Variants in ABCC4 observed in about 807,000 individuals in gnomAD.
ABCC4 encodes the protein ATP-binding cassette sub-family C member 4.
In ABCC4, 102 loss-of-function variants were observed where a neutral mutation model predicts 168.5. That is an observed-to-expected ratio of 0.61 (90% CI 0.52 to 0.71). The LOEUF is 0.71. Among genes scored for constraint, ABCC4 ranks in the 30% least tolerant of loss-of-function variants. The probability of loss-of-function intolerance (pLI) is 0.00; values close to 1 mark genes in which losing one functional copy is unlikely to be tolerated. For missense variants in ABCC4, 1,402 were observed against 1,605.8 expected (o/e 0.87, Z 2.17); for synonymous variants, 617 against 590.7 (o/e 1.04, Z -0.65).
At chr13:95,126,721 AT>A (rs2035775555) in intron 19 of ABCC4, among the ~76,000 whole-genome samples, 1 of 13,778 alleles carries the variant, frequency 7.3e-5, no homozygotes, top group Non-Finnish European at 2.0e-4. Context: ...TTTTTTTGGA[AT>A]ATATATATAT....
At chr13:95,195,060 C>T (rs566800709) in intron 8 of ABCC4, 123 bp from the exon 9 acceptor site, 1 of 723,570 alleles carries the variant, frequency 1.4e-6, no homozygotes, top group South Asian at 1.8e-5. Flanking sequence ...ATTTTACCAA[C>T]CCTATTTAAA....
intron 30 of ABCC4, among the ~76,000 whole-genome samples, chr13:95,029,994 TCC>T (rs1491568260): frequency 5.3e-5 from 8 of 150,108 alleles, no homozygotes; most frequent in African/African-American, 7.4e-5. Context: ...TATCTATCCA[TCC>T]ATCCATCCAT....
At chr13:95,030,483 T>A (rs2031828487) in intron 30 of ABCC4, among the ~76,000 whole-genome samples, 1 of 152,194 alleles carries the variant, frequency 6.6e-6, no homozygotes, top group African/African-American at 2.4e-5. Flanking sequence ...TAAATTCCTA[T>A]GTTGAAGTCC....
intron 14 of ABCC4, 114 bp from the exon 15 acceptor site, chr13:95,166,481 C>A: frequency 1.1e-6 from 1 of 881,352 alleles, no homozygotes; most frequent in South Asian, 1.8e-5. Context: ...ATACTTAGGT[C>A]CGGAATCCTA....
intron 5 of ABCC4, 85 bp downstream of exon 5, chr13:95,210,605 CAG>C: frequency 1.9e-6 from 2 of 1,064,860 alleles, no homozygotes; most frequent in Non-Finnish European, 2.8e-6. Flanking sequence ...CCAGTGTGAA[CAG>C]AGTGAGCCCC....
intron 30 of ABCC4, among the ~76,000 whole-genome samples, chr13:95,025,178 C>G (rs1193204876): frequency 1.4e-5 from 2 of 144,082 alleles, no homozygotes; most frequent in Non-Finnish European, 3.0e-5. Flanking sequence ...CACACACACA[C>G]CCACACACAC....
At chr13:95,122,171 C>T (rs944331859) in intron 19 of ABCC4, among the ~76,000 whole-genome samples, 1 of 152,260 alleles carries the variant, frequency 6.6e-6, no homozygotes, top group Middle Eastern at 3.4e-3. Context: ...TTCTGATTCT[C>T]TTCTCGAACT....
At chr13:95,076,654 A>G (rs555256132) in intron 21 of ABCC4, among the ~76,000 whole-genome samples, 1 of 151,974 alleles carries the variant, frequency 6.6e-6, no homozygotes, top group African/African-American at 2.4e-5. Context: ...TAGTAGAGAC[A>G]TGGTTTTGCC....
chr13:95,227,171 A>G (rs2039489328), intron 4 of ABCC4, among the ~76,000 whole-genome samples: 1 of 152,198 alleles, frequency 6.6e-6, no homozygotes, highest in African/African-American at 2.4e-5. Context: ...TGACACTCCT[A>G]AATCTCCAGC....
At chr13:95,171,879 C>G (rs940187914) in intron 13 of ABCC4, among the ~76,000 whole-genome samples, 1 of 151,970 alleles carries the variant, frequency 6.6e-6, no homozygotes, top group Admixed American at 6.6e-5. Context: ...ATCTAGTATA[C>G]CTCTTCAGGT....
chr13:95,058,211 T>C (rs2033135252), intron 26 of ABCC4, among the ~76,000 whole-genome samples: 1 of 152,208 alleles, frequency 6.6e-6, no homozygotes, highest in Non-Finnish European at 1.5e-5. Context: ...ACTGTCCAAA[T>C]GACAGATAAA....
intron 28 of ABCC4, 39 bp from the exon 29 acceptor site, chr13:95,043,826 C>CA (rs779571779): frequency 4.8e-6 from 7 of 1,450,826 alleles, no homozygotes; most frequent in Non-Finnish European, 6.7e-6. Context: ...CGTAAAGATG[C>CA]AAAAAGTAGA....
chr13:95,077,828 C>T (rs1355150848), intron 21 of ABCC4, among the ~76,000 whole-genome samples: 1 of 152,176 alleles, frequency 6.6e-6, no homozygotes, highest in Admixed American at 6.5e-5. Context: ...CCACTGTACA[C>T]ACAGACACTG....
At chr13:95,262,085 A>G (rs936599800) in intron 1 of ABCC4, among the ~76,000 whole-genome samples, 3 of 152,244 alleles carry the variant, frequency 2.0e-5, no homozygotes, top group African/African-American at 7.2e-5. Flanking sequence ...TTGGGAGGCC[A>G]GCCTAGGGCA....
chr13:95,189,954 A>G (rs1419348055), intron 9 of ABCC4, among the ~76,000 whole-genome samples: 1 of 152,208 alleles, frequency 6.6e-6, no homozygotes, highest in Non-Finnish European at 1.5e-5. Flanking sequence ...AACAATCTAT[A>G]AATTCTATGA....
chr13:95,241,082 T>G (rs959800767), intron 3 of ABCC4, among the ~76,000 whole-genome samples: 1 of 151,842 alleles, frequency 6.6e-6, no homozygotes, highest in Non-Finnish European at 1.5e-5. Flanking sequence ...ACCACCTCAT[T>G]GGCCAGGCAC....
chr13:95,128,877 C>A (rs1393912826), intron 19 of ABCC4, among the ~76,000 whole-genome samples: 1 of 152,162 alleles, frequency 6.6e-6, no homozygotes, highest in African/African-American at 2.4e-5. Context: ...TTCCCAAAGA[C>A]TTTTAATCAT....
At chr13:95,084,530 A>G (rs2034195286) in intron 20 of ABCC4, among the ~76,000 whole-genome samples, 1 of 152,192 alleles carries the variant, frequency 6.6e-6, no homozygotes, top group Non-Finnish European at 1.5e-5. Flanking sequence ...TTATTACAAT[A>G]TATTGAATTT....
intron 29 of ABCC4, among the ~76,000 whole-genome samples, chr13:95,038,043 T>C (rs762651933): frequency 6.6e-6 from 1 of 152,046 alleles, no homozygotes. Flanking sequence ...TTTGTAGAGA[T>C]GGGGTTTCGC....
Sources: gnomAD v4.1 joint callset for allele counts (sites outside exome capture counted in the v4.1 genomes callset) on GRCh38, gnomAD v4.1.1 for gene constraint, MANE v1.5 for transcripts, NCBI Gene and HGNC (gene_info 2026-07-23, HGNC 2026-07-21) for gene names.